The following P4HA1 variants were observed in gnomAD, a reference collection of about 807,000 sequenced individuals.
P4HA1 encodes prolyl 4-hydroxylase subunit alpha 1.
A neutral mutation model predicts 72.8 loss-of-function variants in P4HA1; 24 were observed. That is an observed-to-expected ratio of 0.33 (90% CI 0.24 to 0.46). The LOEUF is 0.46. Among genes scored for constraint, P4HA1 ranks in the 20% least tolerant of loss-of-function variants. P4HA1 has a pLI of 1.00. For synonymous variants in P4HA1, 201 were observed against 218.8 expected (o/e 0.92, Z 0.72); for missense variants, 446 against 640.6 (o/e 0.70, Z 3.28).
intron 5 of P4HA1, among the ~76,000 whole-genome samples, chr10:73,054,571 G>A (rs1589606449): frequency 6.6e-6 from 1 of 152,316 alleles, no homozygotes; most frequent in South Asian, 2.1e-4. Flanking sequence ...ACATTTGTGT[G>A]TAAGTTTCTA....
intron 1 of P4HA1, among the ~76,000 whole-genome samples, chr10:73,087,799 C>A (rs971664944): frequency 1.3e-5 from 2 of 151,958 alleles, no homozygotes; most frequent in Non-Finnish European, 2.9e-5. Flanking sequence ...GCTTTGAGTT[C>A]CTTATACAGT....
chr10:73,030,611 T>C (rs893448445), intron 9 of P4HA1, among the ~76,000 whole-genome samples: 3 of 152,114 alleles, frequency 2.0e-5, no homozygotes, highest in Non-Finnish European at 2.9e-5. Context: ...ATAATGCTTA[T>C]ATGAAAACAG....
In P4HA1 at chr10:73,061,051, G is replaced by A. The variant is rs147683574; in HGVS notation, c.464-7461C>T. ...ATGGAATGAAAAAAATCATCATTTT[G>A]TAACCCCTAATGAAATAGTGGTTCT... On this transcript the variant is annotated intron_variant, in intron 5 of 14. Coordinates refer to ENST00000394890, the MANE Select transcript of P4HA1 (RefSeq NM_001017962.3). Among the ~76,000 whole-genome samples the A allele has an allele frequency of 2.6e-5, 4 of 152,212 alleles. No homozygotes were observed. The East Asian group carries it at 7.7e-4, about 29-fold the overall frequency.
intron 5 of P4HA1, among the ~76,000 whole-genome samples, chr10:73,057,815 G>T (rs1841187349): frequency 6.6e-6 from 1 of 151,920 alleles, no homozygotes; most frequent in African/African-American, 2.4e-5. Context: ...AAAGAAAAGG[G>T]CTGGGCACAG....
At chr10:73,088,870 T>C (rs1174576194) in intron 1 of P4HA1, among the ~76,000 whole-genome samples, 2 of 152,260 alleles carry the variant, frequency 1.3e-5, no homozygotes. Flanking sequence ...TTTTCTCCAA[T>C]ACCACAGTCT....
rs773489215 is a variant in P4HA1 at position 73,051,177 on chromosome 10, T to C, written c.776A>G (p.Asn259Ser). ...AGATTGGTCATCTGAAGCAGACTTA[T>C]TGACATCTTTTTCTTTAGCCATTAT... ...EYIMAKEKDV[N>S]KSASDDQSDQ... Residue 259 changes from asparagine to serine, a missense_variant, in exon 7 of 15, where the codon AAT becomes AGT. By Grantham distance (46) the Asn-to-Ser change is conservative. Coordinates refer to ENST00000394890, the MANE Select transcript of P4HA1 (RefSeq NM_001017962.3). The C allele has an allele frequency of 2.2e-5, 36 of 1,610,142 alleles. No individual in the cohort carries two copies. In the Admixed American group the frequency reaches 3.5e-4, roughly 16 times the overall value.
At chr10:73,060,078 CAG>C (rs1485398642) in intron 5 of P4HA1, among the ~76,000 whole-genome samples, 1 of 152,116 alleles carries the variant, frequency 6.6e-6, no homozygotes, top group Non-Finnish European at 1.5e-5. Context: ...TGAATTACCT[CAG>C]ATGTCTTTAA....
At chr10:73,044,068 T>C (rs148690183) in intron 9 of P4HA1, 5 of 643,534 alleles carry the variant, frequency 7.8e-6, no homozygotes, top group Non-Finnish European at 1.4e-5. Flanking sequence ...CAGATTGGTC[T>C]GGATGGTGGG....
Position 73,056,613 on chromosome 10 carries a change from C to A in P4HA1, c.464-3023G>T, listed in dbSNP as rs562450478. ...CGCCATTGCGGTCCAGCCTGGGCAA[C>A]AACAATGAAACTCCATCAAAAAATA... On this transcript the variant is annotated intron_variant, in intron 5 of 14. Transcript: ENST00000394890. 1.5e-4 allele frequency among the ~76,000 whole-genome samples: 22 copies of A among 151,548 alleles called. No individual in the cohort carries two copies. The South Asian group carries it at 4.6e-3, about 32-fold the overall frequency.
intron 1 of P4HA1, among the ~76,000 whole-genome samples, chr10:73,080,121 A>ATT (rs1333143109): frequency 6.6e-6 from 1 of 152,236 alleles, no homozygotes; most frequent in Non-Finnish European, 1.5e-5. Flanking sequence ...TGAATCTGTA[A>ATT]GCTACTACAA....
intron 9 of P4HA1, 58 bp from the exon 10 acceptor site, chr10:73,030,428 A>G (rs991210911): frequency 3.5e-6 from 3 of 849,010 alleles, no homozygotes; most frequent in African/African-American, 1.7e-5. Context: ...GGAGACTAAT[A>G]GCTGTTATTT....
At chr10:73,056,618 A>G (rs1396529634) in intron 5 of P4HA1, among the ~76,000 whole-genome samples, 1 of 151,530 alleles carries the variant, frequency 6.6e-6, no homozygotes, top group Non-Finnish European at 1.5e-5. Context: ...GGCAACAACA[A>G]TGAAACTCCA....
chr10:73,066,265 G>A (rs1050086251), intron 5 of P4HA1, among the ~76,000 whole-genome samples: 3 of 152,016 alleles, frequency 2.0e-5, no homozygotes, highest in Non-Finnish European at 4.4e-5. Flanking sequence ...GAATTTGCCT[G>A]AAAGAAAAGT....
chr10:73,050,165 CAAA>C (rs549704773), intron 7 of P4HA1, among the ~76,000 whole-genome samples: 16 of 82,996 alleles, frequency 1.9e-4, no homozygotes, highest in African/African-American at 1.9e-4. Flanking sequence ...GTTTCTGTCT[CAAA>C]AAAAAAAAAA....
intron 7 of P4HA1, among the ~76,000 whole-genome samples, chr10:73,048,052 A>C (rs954232209): frequency 6.6e-6 from 1 of 152,090 alleles, no homozygotes; most frequent in Non-Finnish European, 1.5e-5. Flanking sequence ...AAGCTGTCTC[A>C]AAAAAACAAA....
chr10:73,030,408 T>G (rs1303329408), intron 9 of P4HA1, 38 bp from the exon 10 acceptor site: 4 of 1,100,070 alleles, frequency 3.6e-6, no homozygotes, highest in Non-Finnish European at 5.3e-6. Context: ...TTGATAATGT[T>G]TCATTACATG....
chr10:73,050,977 C>G (rs1841005486), intron 7 of P4HA1, 76 bp downstream of exon 7: 1 of 1,020,088 alleles, frequency 9.8e-7, no homozygotes, highest in South Asian at 1.6e-5. Flanking sequence ...TATAAAATAA[C>G]TGATTCTCTC....
At chr10:73,016,958 A>C in intron 10 of P4HA1, 59 bp from the exon 11 acceptor site, 2 of 1,371,878 alleles carry the variant, frequency 1.5e-6, no homozygotes, top group Non-Finnish European at 2.0e-6. Context: ...ATTCAAAAAA[A>C]ATCTATGAAC....
chr10:73,092,715 A>T (rs1842062887), intron 1 of P4HA1, among the ~76,000 whole-genome samples: 1 of 151,904 alleles, frequency 6.6e-6, no homozygotes, highest in Non-Finnish European at 1.5e-5. Flanking sequence ...TTTAAAAATT[A>T]AAAAATTGGT....
Sources: gnomAD v4.1 joint callset for allele counts (sites outside exome capture counted in the v4.1 genomes callset) on GRCh38, gnomAD v4.1.1 for gene constraint, MANE v1.5 for transcripts, NCBI Gene and HGNC (gene_info 2026-07-23, HGNC 2026-07-21) for gene names.